IMMP1L: variants seen among roughly 807,000 people sequenced by gnomAD.
The protein encoded by IMMP1L is mitochondrial inner membrane protease subunit 1.
Under a neutral mutation model 21.8 loss-of-function variants are expected in IMMP1L, and 24 were observed. The ratio of observed to expected loss-of-function variants is 1.10; its 90% confidence interval spans 0.80 to 1.55. The LOEUF is 1.55. IMMP1L is among the 40% of genes most tolerant of loss of function. The probability of loss-of-function intolerance (pLI) is 0.00; values close to 1 mark genes in which losing one functional copy is unlikely to be tolerated. For synonymous variants in IMMP1L, 46 were observed against 62.8 expected (o/e 0.73, Z 1.26); for missense variants, 195 against 200.7 (o/e 0.97, Z 0.17).
chr11:31,457,528 T>C (rs1177403616), intron 3 of IMMP1L, among the ~76,000 whole-genome samples: 2 of 152,078 alleles, frequency 1.3e-5, no homozygotes, highest in Admixed American at 6.5e-5. Context: ...AAAATAATAT[T>C]AAAAGTCATA....
At chr11:31,504,415 A>G (rs2133837252) in intron 1 of IMMP1L, among the ~76,000 whole-genome samples, 1 of 152,344 alleles carries the variant, frequency 6.6e-6, no homozygotes, top group South Asian at 2.1e-4. Flanking sequence ...CCCTTTCACA[A>G]AAGAGGTTAC....
Position 31,509,536 on chromosome 11 carries a change from C to T in IMMP1L, c.-47G>A. On this transcript the variant is annotated 5_prime_UTR_variant, in exon 1 of 6. Coordinates refer to ENST00000532287, the MANE Select transcript of IMMP1L (RefSeq NM_001304274.2). ...TTACCTACCTCGGGCCCCAAAGAAC[C>T]CTGGAGACCCTCAACCAGGACACAG... 2 of 557,158 alleles carry T rather than the reference C, an allele frequency of 3.6e-6. No homozygotes were observed. Among genetic ancestry groups the T allele is most frequent in the Non-Finnish European group, 6.5e-6 (2 of 309,920 alleles). 34.5% of individuals were successfully genotyped at this position (557,158 alleles called of 1,614,324 possible). A position where few individuals can be genotyped will look rare whatever the true frequency, so the allele number is the denominator to read the frequency against.
intron 1 of IMMP1L, among the ~76,000 whole-genome samples, chr11:31,476,794 T>G (rs2133733812): frequency 6.6e-6 from 1 of 152,204 alleles, no homozygotes; most frequent in South Asian, 2.1e-4. Context: ...CACTTCATTT[T>G]CTCTCAGTTT....
chr11:31,477,570 T>A, intron 1 of IMMP1L: 1 of 984,466 alleles, frequency 1.0e-6, no homozygotes, highest in Non-Finnish European at 1.2e-6. Context: ...TTGAGCTTCA[T>A]GAATGACATC....
At chr11:31,480,542 T>A (rs1412253237) in intron 1 of IMMP1L, among the ~76,000 whole-genome samples, 1 of 152,088 alleles carries the variant, frequency 6.6e-6, no homozygotes, top group Non-Finnish European at 1.5e-5. Context: ...AGGTACTAAC[T>A]CATTTTAAAA....
intron 1 of IMMP1L, among the ~76,000 whole-genome samples, chr11:31,508,943 G>GT (rs984338868): frequency 6.6e-6 from 1 of 152,146 alleles, no homozygotes; most frequent in African/African-American, 2.4e-5. Context: ...CTTCCTAGCA[G>GT]TTTTTTGGGG....
chr11:31,463,447 CA>C (rs1291465945), intron 1 of IMMP1L, 142 bp from the exon 2 acceptor site: 4 of 707,868 alleles, frequency 5.7e-6, no homozygotes, highest in Non-Finnish European at 6.3e-6. Context: ...AGTTTGTTAT[CA>C]GTTCTAATGA....
chr11:31,503,625 T>C (rs79281038), intron 1 of IMMP1L, among the ~76,000 whole-genome samples: 3,192 of 152,290 alleles, frequency 0.021, 105 homozygotes, highest in African/African-American at 0.072. Context: ...CTCATTCCAG[T>C]ATGGCAAAGT....
intron 1 of IMMP1L, among the ~76,000 whole-genome samples, chr11:31,500,762 A>C (rs1955594713): frequency 6.6e-6 from 1 of 152,206 alleles, no homozygotes; most frequent in Non-Finnish European, 1.5e-5. Context: ...CAAATTCAGC[A>C]GACTCTGTTT....
At chr11:31,485,372 T>C (rs1405102301) in intron 1 of IMMP1L, among the ~76,000 whole-genome samples, 5 of 151,832 alleles carry the variant, frequency 3.3e-5, no homozygotes, top group Non-Finnish European at 7.4e-5. Flanking sequence ...CTACAACTGT[T>C]TAGCTGGAAA....
intron 4 of IMMP1L, among the ~76,000 whole-genome samples, chr11:31,435,217 TTGTC>T (rs1376901570): frequency 2.0e-5 from 3 of 152,198 alleles, no homozygotes; most frequent in African/African-American, 2.4e-5. Flanking sequence ...AGGGATATCT[TTGTC>T]TGACCATCCC....
chr11:31,503,856 G>C (rs1411603220), intron 1 of IMMP1L, among the ~76,000 whole-genome samples: 2 of 152,194 alleles, frequency 1.3e-5, no homozygotes, highest in Non-Finnish European at 2.9e-5. Flanking sequence ...CTGAGAGAAA[G>C]AAAGCCAGCC....
chr11:31,462,210 G>A (rs532042765), intron 2 of IMMP1L, among the ~76,000 whole-genome samples: 3 of 151,818 alleles, frequency 2.0e-5, no homozygotes, highest in African/African-American at 7.2e-5. Flanking sequence ...AGCTACTTGG[G>A]AGGCTGATGC....
intron 4 of IMMP1L, among the ~76,000 whole-genome samples, chr11:31,435,058 A>G (rs1348879248): frequency 2.0e-5 from 3 of 152,192 alleles, no homozygotes; most frequent in Non-Finnish European, 4.4e-5. Context: ...TTCGTGTCTA[A>G]ATTTCCATAG....
intron 1 of IMMP1L, 120 bp from the exon 2 acceptor site, chr11:31,463,425 C>A: frequency 1.1e-6 from 1 of 882,294 alleles, no homozygotes; most frequent in Non-Finnish European, 1.6e-6. Context: ...CAATTTGGTG[C>A]AGGAAACCAA....
intron 2 of IMMP1L, among the ~76,000 whole-genome samples, chr11:31,462,894 G>A (rs897662997): frequency 6.6e-6 from 1 of 152,098 alleles, no homozygotes; most frequent in Non-Finnish European, 1.5e-5. Flanking sequence ...TCAATAAATG[G>A]TAATGACTAT....
intron 1 of IMMP1L, among the ~76,000 whole-genome samples, chr11:31,472,897 GCT>G (rs1177911410): frequency 6.6e-6 from 1 of 151,594 alleles, no homozygotes; most frequent in East Asian, 1.9e-4. Flanking sequence ...ATGGAGTGTC[GCT>G]CTGTCGTCCA....
chr11:31,483,844 T>C (rs1343031002), intron 1 of IMMP1L, among the ~76,000 whole-genome samples: 1 of 151,938 alleles, frequency 6.6e-6, no homozygotes, highest in African/African-American at 2.4e-5. Flanking sequence ...ACCATACACA[T>C]TAAATAAAGC....
chr11:31,474,199 C>T (rs1041606023), intron 1 of IMMP1L, among the ~76,000 whole-genome samples: 9 of 152,134 alleles, frequency 5.9e-5, no homozygotes, highest in Non-Finnish European at 2.9e-5. Flanking sequence ...ATTTTCCCCA[C>T]AGAATGATGC....
Sources: gnomAD v4.1 joint callset for allele counts (sites outside exome capture counted in the v4.1 genomes callset) on GRCh38, gnomAD v4.1.1 for gene constraint, MANE v1.5 for transcripts, NCBI Gene and HGNC (gene_info 2026-07-23, HGNC 2026-07-21) for gene names.